The following KCTD8 variants were observed in gnomAD, a reference collection of about 807,000 sequenced individuals.
The protein encoded by KCTD8 is potassium channel tetramerization domain containing 8.
Under a neutral mutation model 31.5 loss-of-function variants are expected in KCTD8, and 27 were observed. The ratio of observed to expected loss-of-function variants is 0.86; its 90% CI spans 0.63 to 1.18. The LOEUF is 1.18. Among genes scored for constraint, KCTD8 ranks in the 50% most tolerant of loss-of-function variants. The pLI is 0.00. For missense variants in KCTD8, 658 were observed against 647.7 expected (o/e 1.02, Z -0.17); for synonymous variants, 290 against 280.0 (o/e 1.04, Z -0.36).
intron 1 of KCTD8, among the ~76,000 whole-genome samples, chr4:44,312,592 A>C (rs1220515943): frequency 6.6e-6 from 1 of 152,182 alleles, no homozygotes; most frequent in African/African-American, 2.4e-5. Flanking sequence ...CTGGAAAGCA[A>C]ATTTACATAG....
intron 1 of KCTD8, among the ~76,000 whole-genome samples, chr4:44,276,095 C>A (rs146706990): frequency 0.019 from 2,939 of 151,910 alleles, 53 homozygotes; most frequent in Non-Finnish European, 0.028. Flanking sequence ...GCCATCTGAC[C>A]TGGTGCAGGC....
At chr4:44,363,048 A>G (rs1271512225) in intron 1 of KCTD8, among the ~76,000 whole-genome samples, 4 of 152,000 alleles carry the variant, frequency 2.6e-5, no homozygotes, top group Non-Finnish European at 5.9e-5. Flanking sequence ...TTTTCAATTC[A>G]TTTATATTGG....
intron 1 of KCTD8, among the ~76,000 whole-genome samples, chr4:44,241,541 G>T (rs1430939004): frequency 6.6e-6 from 1 of 152,200 alleles, no homozygotes; most frequent in Middle Eastern, 3.2e-3. Context: ...GTCAGGTTTG[G>T]ACCAGGTGGT....
chr4:44,197,405 G>A (rs1284716671), intron 1 of KCTD8, among the ~76,000 whole-genome samples: 1 of 152,098 alleles, frequency 6.6e-6, no homozygotes, highest in East Asian at 1.9e-4. Context: ...TTCCTCCAAG[G>A]CCCAGGAGCA....
chr4:44,302,294 T>G (rs1278201066), intron 1 of KCTD8, among the ~76,000 whole-genome samples: 4 of 152,190 alleles, frequency 2.6e-5, no homozygotes, highest in African/African-American at 9.7e-5. Context: ...ATTGAATCTA[T>G]AAATTACCTT....
chr4:44,293,261 C>T (rs924104296), intron 1 of KCTD8: 2 of 225,138 alleles, frequency 8.9e-6, no homozygotes, highest in South Asian at 5.3e-5. Context: ...AGTTGATGAC[C>T]TTTTCCCTTA....
At chr4:44,190,334 C>T (rs1293035140) in intron 1 of KCTD8, among the ~76,000 whole-genome samples, 2 of 152,138 alleles carry the variant, frequency 1.3e-5, no homozygotes, top group Admixed American at 6.5e-5. Flanking sequence ...TAATATTAGC[C>T]TAAATATCAC....
At chr4:44,434,054 T>C (rs1049045071) in intron 1 of KCTD8, among the ~76,000 whole-genome samples, 12 of 151,870 alleles carry the variant, frequency 7.9e-5, no homozygotes, top group Non-Finnish European at 2.9e-5. Context: ...CATTTCCAGA[T>C]TTTTCTTCCA....
intron 1 of KCTD8, among the ~76,000 whole-genome samples, chr4:44,291,403 A>G (rs532183737): frequency 3.3e-5 from 5 of 152,306 alleles, no homozygotes; most frequent in African/African-American, 1.2e-4. Context: ...TCCCCACTCA[A>G]TAAATGGTGC....
chr4:44,233,937 C>T (rs1052333361), intron 1 of KCTD8, among the ~76,000 whole-genome samples: 1 of 151,966 alleles, frequency 6.6e-6, no homozygotes, highest in Non-Finnish European at 1.5e-5. Flanking sequence ...GCTTCATGGC[C>T]ATGAAAAAAC....
Position 44,447,566 on chromosome 4 carries a change from A to G in KCTD8, c.958T>C (p.Phe320Leu). 6.4e-7 allele frequency: 1 copy of G among 1,557,572 alleles called. No individual in the cohort carries two copies. Among genetic ancestry groups the G allele is most frequent in the Non-Finnish European group, 8.7e-7 (1 of 1,146,952 alleles). The part of the protein sequence containing the change: ...IWSSYTEYIF[F>L]RPPQKIVSPK... Reference sequence around the variant, plus strand: ...AACGCCGGGGCTGCGAACTTACGGAAGAAAATGTACTCGGTGTAGCTGCTC... The same window carrying G: ...AACGCCGGGGCTGCGAACTTACGGAGGAAAATGTACTCGGTGTAGCTGCTC... Residue 320 changes from phenylalanine to leucine, a missense_variant, in exon 1 of 2, where the codon TTC becomes CTC. Coordinates refer to ENST00000360029, the MANE Select transcript of KCTD8 (RefSeq NM_198353.3).
chr4:44,336,006 C>T (rs1027108993), intron 1 of KCTD8, among the ~76,000 whole-genome samples: 3 of 149,794 alleles, frequency 2.0e-5, no homozygotes, highest in Admixed American at 2.0e-4. Context: ...AAAAATTAGC[C>T]GGGCGTAGTG....
At chr4:44,345,128 A>C (rs1316256615) in intron 1 of KCTD8, among the ~76,000 whole-genome samples, 1 of 152,112 alleles carries the variant, frequency 6.6e-6, no homozygotes, top group Non-Finnish European at 1.5e-5. Flanking sequence ...TCTAGGACTT[A>C]TTTTGTTCAT....
At chr4:44,329,246 C>T (rs1718532266) in intron 1 of KCTD8, among the ~76,000 whole-genome samples, 1 of 150,770 alleles carries the variant, frequency 6.6e-6, no homozygotes. Flanking sequence ...GCTGAGATAT[C>T]AAGAAATGAC....
chr4:44,270,986 G>A (rs953849626), intron 1 of KCTD8, among the ~76,000 whole-genome samples: 2 of 151,916 alleles, frequency 1.3e-5, no homozygotes, highest in African/African-American at 4.8e-5. Context: ...TATCCTACAA[G>A]TTGACTACAT....
At chr4:44,179,014 A>G (rs114554033) in intron 1 of KCTD8, among the ~76,000 whole-genome samples, 153 of 152,292 alleles carry the variant, frequency 1.0e-3, no homozygotes, top group Non-Finnish European at 1.8e-3. Context: ...GGCTTTCTCC[A>G]ACTCCAAGTG....
chr4:44,299,726 C>CA (rs1362144246), intron 1 of KCTD8, among the ~76,000 whole-genome samples: 1,386 of 121,052 alleles, frequency 0.011, 19 homozygotes, highest in African/African-American at 0.037. Context: ...GACTCCGTCT[C>CA]AAAAAAAAAA....
At chr4:44,272,048 C>G (rs999300189) in intron 1 of KCTD8, among the ~76,000 whole-genome samples, 1 of 151,212 alleles carries the variant, frequency 6.6e-6, no homozygotes, top group Non-Finnish European at 1.5e-5. Context: ...TTGAGGGCAT[C>G]ATGAAATGAG....
intron 1 of KCTD8, among the ~76,000 whole-genome samples, chr4:44,422,696 G>A (rs934549180): frequency 1.3e-5 from 2 of 152,094 alleles, no homozygotes; most frequent in African/African-American, 2.4e-5. Context: ...GATAGGGCTA[G>A]ATGGTTTAAT....
Sources: allele counts gnomAD v4.1 joint callset (sites outside exome capture counted in the v4.1 genomes callset), GRCh38; gene constraint gnomAD v4.1.1; transcripts MANE v1.5; gene names NCBI Gene and HGNC (gene_info 2026-07-23, HGNC 2026-07-21).